The following SCAPER variants were observed in gnomAD, a reference collection of about 807,000 sequenced individuals.
SCAPER encodes the protein S-phase cyclin A associated protein in the ER, also known as S phase cyclin A-associated protein in the endoplasmic reticulum.
A neutral mutation model predicts 182.2 loss-of-function variants in SCAPER; 98 were observed. The observed-to-expected ratio is 0.54, with a 90% CI of 0.46 to 0.64. The LOEUF (loss-of-function observed/expected upper bound fraction) is 0.64. Ranked by LOEUF, SCAPER falls within the 30% of genes least tolerant of loss-of-function variation. SCAPER has a pLI of 0.00. For missense variants in SCAPER, 1,432 were observed against 1,690.0 expected, an observed-to-expected ratio of 0.85 and a Z score of 2.68; for synonymous variants, 605 against 564.6, an observed-to-expected ratio of 1.07 and a Z score of -1.01.
intron 4 of SCAPER, 128 bp from the exon 5 acceptor site, chr15:76,842,059 T>C (rs1324457938): frequency 1.3e-6 from 1 of 745,160 alleles, no homozygotes; most frequent in Non-Finnish European, 2.1e-6. Context: ...GTACTGAACA[T>C]GTATGGACTT....
At chr15:76,580,908 T>C (rs1368289115) in intron 22 of SCAPER, among the ~76,000 whole-genome samples, 1 of 152,090 alleles carries the variant, frequency 6.6e-6, no homozygotes, top group African/African-American at 2.4e-5. Flanking sequence ...AACAAACCTT[T>C]AGTCAGACTA....
chr15:76,606,290 T>G (rs1268813388), intron 22 of SCAPER, among the ~76,000 whole-genome samples: 1 of 152,226 alleles, frequency 6.6e-6, no homozygotes, highest in Non-Finnish European at 1.5e-5. Flanking sequence ...CCAGTAGTCA[T>G]TCAGGAGCAG....
At chr15:76,506,984 G>A (rs1030497326) in intron 23 of SCAPER, among the ~76,000 whole-genome samples, 1 of 152,056 alleles carries the variant, frequency 6.6e-6, no homozygotes, top group African/African-American at 2.4e-5. Flanking sequence ...ATGCTACACT[G>A]TATGTTTTTA....
At chr15:76,484,266 C>T (rs2051402939) in intron 24 of SCAPER, among the ~76,000 whole-genome samples, 1 of 152,046 alleles carries the variant, frequency 6.6e-6, no homozygotes, top group Admixed American at 6.6e-5. Context: ...ATAACTTCAA[C>T]TGTGTGATAT....
At chr15:76,874,147 T>C (rs1164714474) in intron 2 of SCAPER, among the ~76,000 whole-genome samples, 5 of 152,040 alleles carry the variant, frequency 3.3e-5, no homozygotes, top group Non-Finnish European at 4.4e-5. Context: ...ATCTGCCTCG[T>C]CCTCCCAAAT....
At chr15:76,727,308 C>T (rs183021905) in intron 17 of SCAPER, among the ~76,000 whole-genome samples, 2 of 152,134 alleles carry the variant, frequency 1.3e-5, no homozygotes, top group East Asian at 1.9e-4. Flanking sequence ...AGGGCCAGGA[C>T]AGTCCTAATA....
chr15:76,813,685 G>T (rs956763030), intron 5 of SCAPER, among the ~76,000 whole-genome samples: 1 of 151,970 alleles, frequency 6.6e-6, no homozygotes, highest in Non-Finnish European at 1.5e-5. Flanking sequence ...ATGTTAAAAA[G>T]AAATTTTCAA....
chr15:76,560,511 G>A (rs2046535555), intron 23 of SCAPER, among the ~76,000 whole-genome samples: 4 of 152,166 alleles, frequency 2.6e-5, no homozygotes, highest in Admixed American at 2.6e-4. Context: ...GACACCCAGA[G>A]AAATTAATTA....
chr15:76,525,721 G>C (rs139321457), intron 23 of SCAPER, among the ~76,000 whole-genome samples: 1 of 152,242 alleles, frequency 6.6e-6, no homozygotes, highest in African/African-American at 2.4e-5. Context: ...AGTATTCAAT[G>C]GTGTATATAT....
chr15:76,698,595 T>C (rs913084670), intron 20 of SCAPER, among the ~76,000 whole-genome samples: 13 of 152,180 alleles, frequency 8.5e-5, no homozygotes, highest in African/African-American at 2.9e-4. Flanking sequence ...ATGCCAATTT[T>C]TGGCATGGGA....
At chr15:76,355,994 G>A (rs1397017901) in intron 29 of SCAPER, among the ~76,000 whole-genome samples, 1 of 152,206 alleles carries the variant, frequency 6.6e-6, no homozygotes, top group Admixed American at 6.5e-5. Context: ...ATTGGACCAC[G>A]TATGACAGGA....
At chr15:76,703,038 T>A in intron 18 of SCAPER, 36 bp from the exon 19 acceptor site, 2 of 1,513,340 alleles carry the variant, frequency 1.3e-6, no homozygotes, top group Admixed American at 2.5e-5. Flanking sequence ...ATTTCAAAAA[T>A]TATTCAAATT....
At chr15:76,640,417 AT>A (rs2054007246) in intron 21 of SCAPER, among the ~76,000 whole-genome samples, 1 of 152,162 alleles carries the variant, frequency 6.6e-6, no homozygotes, top group African/African-American at 2.4e-5. Flanking sequence ...AGTGAAGATA[AT>A]TTAAGTTTAG....
chr15:76,891,606 G>T (rs1236778293), intron 1 of SCAPER, among the ~76,000 whole-genome samples: 1 of 152,112 alleles, frequency 6.6e-6, no homozygotes, highest in Non-Finnish European at 1.5e-5. Context: ...CAACTTACAA[G>T]GGATTTTGAA....
chr15:76,400,792 A>T (rs981797393), intron 27 of SCAPER, among the ~76,000 whole-genome samples: 1 of 152,212 alleles, frequency 6.6e-6, no homozygotes, highest in Non-Finnish European at 1.5e-5. Context: ...AGGAAATTAT[A>T]ATGGAGATAA....
At chr15:76,643,232 C>T (rs1326000470) in intron 21 of SCAPER, among the ~76,000 whole-genome samples, 1 of 152,216 alleles carries the variant, frequency 6.6e-6, no homozygotes, top group Admixed American at 6.5e-5. Context: ...AATCCATCTC[C>T]TTCCACATGC....
chr15:76,814,443 A>G (rs2066908255), intron 5 of SCAPER, among the ~76,000 whole-genome samples: 1 of 152,190 alleles, frequency 6.6e-6, no homozygotes. Context: ...AATGTAACAG[A>G]AAGCCCAGAA....
intron 8 of SCAPER, chr15:76,793,491 T>G: frequency 2.0e-6 from 1 of 494,978 alleles, no homozygotes; most frequent in Non-Finnish European, 3.6e-6. Flanking sequence ...TTAGGTTGCT[T>G]GCCAATGGTT....
chr15:76,655,214 T>TTTG (rs1304504090), intron 21 of SCAPER, among the ~76,000 whole-genome samples: 1 of 152,162 alleles, frequency 6.6e-6, no homozygotes, highest in Non-Finnish European at 1.5e-5. Flanking sequence ...CAAACTGATC[T>TTTG]GATACAGGCA....
Sources: gnomAD v4.1 joint callset for allele counts (sites outside exome capture counted in the v4.1 genomes callset) on GRCh38, gnomAD v4.1.1 for gene constraint, MANE v1.5 for transcripts, NCBI Gene and HGNC (gene_info 2026-07-23, HGNC 2026-07-21) for gene names.